Variants in PDE10A observed in about 807,000 individuals in gnomAD.
PDE10A encodes the protein cAMP and cAMP-inhibited cGMP 3',5'-cyclic phosphodiesterase 10A.
In PDE10A, 39 loss-of-function variants were observed where a neutral mutation model predicts 97.7. The ratio of observed to expected loss-of-function variants is 0.40; its 90% CI spans 0.31 to 0.52. The LOEUF is 0.52. PDE10A is among the 20% of genes least tolerant of loss of function. PDE10A has a pLI of 0.56. For synonymous variants in PDE10A, 371 were observed against 376.8 expected (o/e 0.98, Z 0.18); for missense variants, 731 against 1,047.8 (o/e 0.70, Z 4.17).
intron 2 of PDE10A, among the ~76,000 whole-genome samples, chr6:165,502,312 A>G (rs1270322155): frequency 6.6e-6 from 1 of 152,208 alleles, no homozygotes; most frequent in South Asian, 2.1e-4. Context: ...AGACACTGTT[A>G]AGAAAATAAA....
intron 18 of PDE10A, among the ~76,000 whole-genome samples, chr6:165,351,635 T>A (rs1453188723): frequency 2.0e-5 from 3 of 152,174 alleles, no homozygotes; most frequent in African/African-American, 7.2e-5. Flanking sequence ...AAGCCCAGAA[T>A]GTGACTCCTT....
intron 1 of PDE10A, among the ~76,000 whole-genome samples, chr6:165,953,940 C>T (rs933339133): frequency 6.6e-6 from 1 of 152,196 alleles, no homozygotes; most frequent in African/African-American, 2.4e-5. Flanking sequence ...TCCCGAGCCC[C>T]GGCAACCACT....
At chr6:165,741,682 G>T (rs1157737246) in intron 1 of PDE10A, among the ~76,000 whole-genome samples, 1 of 152,060 alleles carries the variant, frequency 6.6e-6, no homozygotes, top group East Asian at 1.9e-4. Flanking sequence ...TACATATATA[G>T]TAAATTTTAA....
intron 1 of PDE10A, among the ~76,000 whole-genome samples, chr6:165,752,267 AAGACTGCTGTCTAAC>A (rs1793023224): frequency 6.6e-6 from 1 of 152,180 alleles, no homozygotes; most frequent in Non-Finnish European, 1.5e-5. Flanking sequence ...CATCCAATAA[AAGACTGCTGTCTAAC>A]ATCACTGGCT....
intron 1 of PDE10A, among the ~76,000 whole-genome samples, chr6:165,643,544 G>A (rs1789247618): frequency 6.6e-6 from 1 of 152,130 alleles, no homozygotes; most frequent in Non-Finnish European, 1.5e-5. Flanking sequence ...TCTTCTTTTG[G>A]AAATCGGAGA....
chr6:165,842,077 G>T (rs937975993), intron 1 of PDE10A, among the ~76,000 whole-genome samples: 5 of 152,186 alleles, frequency 3.3e-5, no homozygotes. Context: ...CTAACCAGGC[G>T]AATTGTGTAA....
At chr6:165,940,445 G>A (rs549369286) in intron 1 of PDE10A, 1 of 152,394 alleles carries the variant, frequency 6.6e-6, no homozygotes, top group Non-Finnish European at 1.5e-5. Flanking sequence ...ATTAGAAGGT[G>A]GAACCGCCTG....
intron 1 of PDE10A, among the ~76,000 whole-genome samples, chr6:165,848,759 CG>C (rs893542072): frequency 6.6e-6 from 1 of 151,954 alleles, no homozygotes; most frequent in Non-Finnish European, 1.5e-5. Context: ...GAACAGTGGC[CG>C]GGGGAATCAA....
intron 1 of PDE10A, among the ~76,000 whole-genome samples, chr6:165,871,675 T>A (rs1781207825): frequency 1.3e-5 from 2 of 152,216 alleles, no homozygotes; most frequent in East Asian, 3.9e-4. Flanking sequence ...GTGGGTGGAT[T>A]TGCATGCACT....
rs1784179467 is a variant in PDE10A, at chr6:165,957,753, C to T, written c.-615+29776G>A. The stretch of plus-strand genomic sequence containing the variant: ...AGAAATAACCCCCAGCCTCTAAAAG[C>T]TTAAAATATTTGGAAGGAGGCAGAA... On this transcript the variant is annotated intron_variant, in intron 1 of 19. Transcript: ENST00000366882. Among the ~76,000 whole-genome samples the T allele has an allele frequency of 2.0e-5, 3 of 152,180 alleles. No individual in the cohort carries two copies. The South Asian group carries it at 6.2e-4, about 31-fold the overall frequency.
intron 1 of PDE10A, among the ~76,000 whole-genome samples, chr6:165,578,132 G>A (rs1002252078): frequency 9.2e-5 from 14 of 152,158 alleles, no homozygotes; most frequent in Admixed American, 7.9e-4. Flanking sequence ...TCCCAATTGT[G>A]GGCCGAATCG....
At chr6:165,977,717 T>C (rs931167047) in intron 1 of PDE10A, among the ~76,000 whole-genome samples, 1 of 152,196 alleles carries the variant, frequency 6.6e-6, no homozygotes, top group African/African-American at 2.4e-5. Flanking sequence ...AAACAAATTA[T>C]TAAAATAAAA....
chr6:165,530,626 A>G (rs2128314322), intron 2 of PDE10A, among the ~76,000 whole-genome samples: 1 of 152,222 alleles, frequency 6.6e-6, no homozygotes, highest in East Asian at 1.9e-4. Context: ...CCACGAATCT[A>G]AAATAAAAGT....
chr6:165,539,580 A>G (rs1783299996), intron 2 of PDE10A, among the ~76,000 whole-genome samples: 1 of 152,152 alleles, frequency 6.6e-6, no homozygotes, highest in Non-Finnish European at 1.5e-5. Flanking sequence ...ACAGAACTTG[A>G]CACACAGTTT....
chr6:165,669,518 T>C (rs532387222), intron 1 of PDE10A, among the ~76,000 whole-genome samples: 64 of 152,348 alleles, frequency 4.2e-4, no homozygotes, highest in Admixed American at 2.4e-3. Context: ...AAATAGTAAT[T>C]GATAAGGGTT....
At chr6:165,589,265 C>G (rs535061308) in intron 1 of PDE10A, among the ~76,000 whole-genome samples, 2 of 152,308 alleles carry the variant, frequency 1.3e-5, no homozygotes, top group South Asian at 2.1e-4. Flanking sequence ...TGAGTATCAG[C>G]TGTATAAGGT....
chr6:165,547,981 A>C (rs192129794), intron 1 of PDE10A, among the ~76,000 whole-genome samples: 13 of 152,280 alleles, frequency 8.5e-5, no homozygotes, highest in African/African-American at 2.6e-4. Context: ...CTATTCACGC[A>C]TATGTATAAA....
At chr6:165,853,694 CAT>C (rs1001357761) in intron 1 of PDE10A, among the ~76,000 whole-genome samples, 84 of 152,262 alleles carry the variant, frequency 5.5e-4, no homozygotes, top group African/African-American at 2.0e-3. Context: ...CACACAATGA[CAT>C]AAAAAACGAA....
At chr6:165,446,434 C>T (rs1253376821) in intron 5 of PDE10A, among the ~76,000 whole-genome samples, 1 of 152,118 alleles carries the variant, frequency 6.6e-6, no homozygotes, top group East Asian at 1.9e-4. Context: ...AAGTCTTCTT[C>T]CTACCCACAG....
Sources: gnomAD v4.1 joint callset for allele counts (sites outside exome capture counted in the v4.1 genomes callset) on GRCh38, gnomAD v4.1.1 for gene constraint, MANE v1.5 for transcripts, NCBI Gene and HGNC (gene_info 2026-07-23, HGNC 2026-07-21) for gene names.